P3H2: variants seen among roughly 807,000 people sequenced by gnomAD.
P3H2 encodes prolyl 3-hydroxylase 2.
Under a neutral mutation model 87.0 loss-of-function variants are expected in P3H2, and 80 were observed. The ratio of observed to expected loss-of-function variants is 0.92; its 90% confidence interval spans 0.77 to 1.11. The LOEUF is 1.11. Among genes scored for constraint, P3H2 ranks in the 50% least tolerant of loss-of-function variants. P3H2 has a pLI of 0.00. For synonymous variants in P3H2, 367 were observed against 359.3 expected (o/e 1.02, Z -0.24); for missense variants, 1,001 against 923.9 (o/e 1.08, Z -1.08).
At chr3:189,967,347 T>C (rs192423731) in intron 13 of P3H2, among the ~76,000 whole-genome samples, 2 of 151,024 alleles carry the variant, frequency 1.3e-5, no homozygotes, top group East Asian at 3.9e-4. Flanking sequence ...AGGAGAATAT[T>C]ATCTGCTTTC....
chr3:190,014,374 GAAGT>G lies in P3H2; in HGVS notation c.481-18936_481-18933del, dbSNP rs1348596745. On this transcript the variant is annotated intron_variant, in intron 1 of 14. Coordinates refer to ENST00000319332, the MANE Select transcript of P3H2 (RefSeq NM_018192.4). ...TGAGAAGCATATCATTTAGGAGAGA[GAAGT>G]AAGGCTCTACCTAAAGGAGCAGACA... Among the ~76,000 whole-genome samples, 8 of 152,202 alleles carry G rather than the reference GAAGT, an allele frequency of 5.3e-5. No individual in the cohort carries two copies. The East Asian group carries it at 1.5e-3, about 29-fold the overall frequency.
At chr3:190,025,281 AT>A (rs889560747) in intron 1 of P3H2, among the ~76,000 whole-genome samples, 67 of 152,164 alleles carry the variant, frequency 4.4e-4, no homozygotes, top group African/African-American at 1.5e-3. Flanking sequence ...CCATAACATT[AT>A]TATCTTTTAT....
intron 1 of P3H2, among the ~76,000 whole-genome samples, chr3:190,067,653 C>G (rs1222937096): frequency 2.0e-5 from 3 of 152,112 alleles, no homozygotes; most frequent in Non-Finnish European, 2.9e-5. Context: ...ATGGTGCTGG[C>G]ACATTTACCT....
At chr3:189,958,432 A>G (rs1387432623) in intron 14 of P3H2, among the ~76,000 whole-genome samples, 1 of 151,784 alleles carries the variant, frequency 6.6e-6, no homozygotes, top group East Asian at 1.9e-4. Flanking sequence ...TAAGTCACCT[A>G]TTCTGTTCTA....
chr3:190,047,903 C>A (rs1725856658), intron 1 of P3H2, among the ~76,000 whole-genome samples: 1 of 152,176 alleles, frequency 6.6e-6, no homozygotes, highest in South Asian at 2.1e-4. Flanking sequence ...AATTTATAAT[C>A]TATTGCAAAA....
chr3:190,066,158 T>C (rs867361702), intron 1 of P3H2, among the ~76,000 whole-genome samples: 3 of 134,600 alleles, frequency 2.2e-5, no homozygotes, highest in Non-Finnish European at 4.7e-5. Context: ...TATATATATA[T>C]ACACACACAC....
At chr3:190,121,172 G>C (rs1190251472), upstream of P3H2, 1 of 160,894 alleles carries the variant, frequency 6.2e-6, no homozygotes, top group Non-Finnish European at 1.3e-5. Context: ...GCAAGGTTAG[G>C]GCCTTAATCA....
intron 1 of P3H2, among the ~76,000 whole-genome samples, chr3:190,064,862 G>A (rs752243602): frequency 5.9e-5 from 9 of 152,114 alleles, no homozygotes; most frequent in African/African-American, 2.2e-4. Flanking sequence ...TTTTGTGTCA[G>A]CCAGTCTTCT....
At position 190,066,192 on chromosome 3, in the gene P3H2, T is replaced by C. The variant is rs189436389; in HGVS notation, c.480+54060A>G. On this transcript the variant is annotated intron_variant, in intron 1 of 14. Coordinates refer to ENST00000319332, the MANE Select transcript of P3H2 (RefSeq NM_018192.4). The stretch of plus-strand genomic sequence containing the variant: ...ACACACACACACATATATACACACA[T>C]ATATATATGATGGAATATGGATATA... 2.1e-4 allele frequency among the ~76,000 whole-genome samples: 31 copies of C among 146,036 alleles called. No individual in the cohort carries two copies. The East Asian group carries it at 3.9e-3, about 18-fold the overall frequency.
chr3:189,989,495 G>A (rs1255296626), intron 3 of P3H2, among the ~76,000 whole-genome samples: 1 of 152,104 alleles, frequency 6.6e-6, no homozygotes, highest in Non-Finnish European at 1.5e-5. Context: ...ACCACCATGG[G>A]CATGGAAAAT....
intron 1 of P3H2, among the ~76,000 whole-genome samples, chr3:190,054,593 C>T (rs964662909): frequency 6.6e-6 from 1 of 152,062 alleles, no homozygotes; most frequent in Non-Finnish European, 1.5e-5. Flanking sequence ...ATCACTCCCT[C>T]CACTACTCCA....
chr3:189,968,091 T>C (rs1278019377), intron 13 of P3H2, among the ~76,000 whole-genome samples: 3 of 152,190 alleles, frequency 2.0e-5, no homozygotes, highest in Admixed American at 2.0e-4. Context: ...ATCTATAATC[T>C]GCTTACTTTC....
chr3:190,116,689 G>A (rs911457293), intron 1 of P3H2: 1 of 152,202 alleles, frequency 6.6e-6, no homozygotes, highest in South Asian at 2.1e-4. Flanking sequence ...GTAGCAAGAG[G>A]AAGTCCACTG....
intron 2 of P3H2, 133 bp from the exon 3 acceptor site, chr3:189,994,416 C>A (rs890218145): frequency 1.4e-6 from 1 of 702,302 alleles, no homozygotes; most frequent in Non-Finnish European, 2.4e-6. Flanking sequence ...GCTTCTGCTG[C>A]GGAGGGATAA....
intron 1 of P3H2, among the ~76,000 whole-genome samples, chr3:190,065,453 A>G (rs1726466029): frequency 1.3e-5 from 2 of 152,078 alleles, no homozygotes; most frequent in African/African-American, 4.8e-5. Context: ...TGAACTTTAT[A>G]TGAGAAATAA....
At chr3:190,042,165 C>A (rs1725657796) in intron 1 of P3H2, among the ~76,000 whole-genome samples, 1 of 152,156 alleles carries the variant, frequency 6.6e-6, no homozygotes, top group East Asian at 1.9e-4. Context: ...TGACTAGGAT[C>A]TTCTGATGTG....
intron 1 of P3H2, among the ~76,000 whole-genome samples, chr3:190,029,339 A>G (rs1170434347): frequency 6.6e-6 from 1 of 152,216 alleles, no homozygotes; most frequent in African/African-American, 2.4e-5. Context: ...GGGGACTTTT[A>G]AAAGTCACCA....
intron 13 of P3H2, among the ~76,000 whole-genome samples, chr3:189,964,454 G>T (rs1410378287): frequency 6.6e-6 from 1 of 152,178 alleles, no homozygotes; most frequent in Non-Finnish European, 1.5e-5. Flanking sequence ...AAAGCATCCG[G>T]ATACAAGGTA....
chr3:190,109,109 G>A (rs945198163), intron 1 of P3H2, among the ~76,000 whole-genome samples: 2 of 152,194 alleles, frequency 1.3e-5, no homozygotes, highest in South Asian at 2.1e-4. Context: ...GTTTTCTTTC[G>A]TGAGACAGAT....
Sources: gnomAD v4.1 joint callset for allele counts (sites outside exome capture counted in the v4.1 genomes callset) on GRCh38, gnomAD v4.1.1 for gene constraint, MANE v1.5 for transcripts, NCBI Gene and HGNC (gene_info 2026-07-23, HGNC 2026-07-21) for gene names.